Variants in DENND1A observed in about 807,000 individuals in gnomAD.
DENND1A encodes the protein DENN domain containing 1A.
Under a neutral mutation model 113.7 loss-of-function variants are expected in DENND1A, and 51 were observed. The observed-to-expected ratio is 0.45, with a 90% CI of 0.36 to 0.57. The LOEUF is 0.57. Among genes scored for constraint, DENND1A ranks in the 20% least tolerant of loss-of-function variants. DENND1A has a pLI of 0.00. For missense variants in DENND1A, 1,258 were observed against 1,395.9 expected (o/e 0.90, Z 1.57); for synonymous variants, 565 against 570.8 (o/e 0.99, Z 0.14).
Position 123,450,720 on chromosome 9 carries a change from T to C in DENND1A, c.1329A>G (p.Lys443=). 1.2e-6 allele frequency: 2 copies of C among 1,611,234 alleles called. No individual in the cohort carries two copies. Among genetic ancestry groups the C allele is most frequent in the South Asian group, 2.2e-5 (2 of 89,906 alleles). ...FAKDHAKMGI[K]EVKNRLKQKD... ...TTTGCTTCAAGCGGTTTTTCACCTCTTTTATTCCCATTTTTGCATGATCTT... is the reference window on the plus strand; with the variant it reads ...TTTGCTTCAAGCGGTTTTTCACCTCCTTTATTCCCATTTTTGCATGATCTT... Residue 443 remains lysine, a synonymous_variant, in exon 18 of 24, where the codon AAA becomes AAG. Coordinates refer to ENST00000394215, the MANE Select transcript of DENND1A (RefSeq NM_001352964.2).
chr9:123,461,759 T>C (rs1055004570), intron 13 of DENND1A, among the ~76,000 whole-genome samples: 4 of 152,182 alleles, frequency 2.6e-5, no homozygotes, highest in African/African-American at 9.7e-5. Flanking sequence ...CCGGACAAGA[T>C]GTCTGCGCCC....
rs906558806 is a variant in DENND1A at position 123,726,344 on chromosome 9, T to C, written c.302+31359A>G. 1.3e-5 allele frequency among the ~76,000 whole-genome samples: 2 copies of C among 152,238 alleles called. 1 individual carries two copies. Among genetic ancestry groups the C allele is most frequent in the South Asian group, 4.1e-4 (2 of 4,834 alleles). On this transcript the variant is annotated intron_variant, in intron 5 of 23. Transcript: ENST00000394215. ...AAAAGCCCCTCAGATAATTCAATAA[T>C]AACGTGTCTCACATTGAATCCAAGC...
At chr9:123,709,058 G>A (rs1354069324) in intron 5 of DENND1A, among the ~76,000 whole-genome samples, 1 of 152,234 alleles carries the variant, frequency 6.6e-6, no homozygotes, top group Non-Finnish European at 1.5e-5. Flanking sequence ...CAGCTGGTCA[G>A]CATATCAAGG....
intron 1 of DENND1A, among the ~76,000 whole-genome samples, chr9:123,902,376 G>A (rs1213411215): frequency 1.3e-5 from 2 of 152,192 alleles, no homozygotes; most frequent in Non-Finnish European, 2.9e-5. Context: ...AGCTTATTCT[G>A]TAAGGCAATA....
At chr9:123,778,451 G>A (rs1830768314) in intron 3 of DENND1A, among the ~76,000 whole-genome samples, 1 of 152,170 alleles carries the variant, frequency 6.6e-6, no homozygotes, top group Non-Finnish European at 1.5e-5. Context: ...CAACAGGTAA[G>A]TCACTCTTTC....
Position 123,633,107 on chromosome 9 carries a change from C to T in DENND1A, c.619-2631G>A, listed in dbSNP as rs542232130. On this transcript the variant is annotated intron_variant, in intron 9 of 23. Transcript: ENST00000394215. ...ATATTTTGTAGAGACGGGGTTTCGCCATGTTGGCCAGGCTGGTCTCAAACT... is the reference window on the plus strand; with the variant it reads ...ATATTTTGTAGAGACGGGGTTTCGCTATGTTGGCCAGGCTGGTCTCAAACT... Among the ~76,000 whole-genome samples, 12 of 152,182 alleles carry T rather than the reference C, an allele frequency of 7.9e-5. No homozygotes were observed. In the East Asian group the frequency reaches 1.9e-3, roughly 25 times the overall value.
At chr9:123,859,357 G>A (rs1844733974) in intron 2 of DENND1A, among the ~76,000 whole-genome samples, 1 of 151,364 alleles carries the variant, frequency 6.6e-6, no homozygotes, top group Non-Finnish European at 1.5e-5. Flanking sequence ...ACATTTGCAT[G>A]GGGTTTACAT....
intron 18 of DENND1A, among the ~76,000 whole-genome samples, chr9:123,450,470 C>G (rs2047638660): frequency 6.6e-6 from 1 of 152,240 alleles, no homozygotes. Context: ...TCTGAACTTG[C>G]TTGCCTTTGT....
At chr9:123,503,368 G>A (rs1014459904) in intron 13 of DENND1A, among the ~76,000 whole-genome samples, 1 of 152,152 alleles carries the variant, frequency 6.6e-6, no homozygotes, top group African/African-American at 2.4e-5. Flanking sequence ...CCCTGGCACT[G>A]GTATGCCCTC....
intron 1 of DENND1A, among the ~76,000 whole-genome samples, chr9:123,887,434 C>T (rs964805209): frequency 6.6e-6 from 1 of 151,856 alleles, no homozygotes; most frequent in Non-Finnish European, 1.5e-5. Context: ...GAAGTCAGAA[C>T]CTGAGTGGGG....
At chr9:123,704,527 G>T (rs2066065611) in intron 5 of DENND1A, among the ~76,000 whole-genome samples, 1 of 152,118 alleles carries the variant, frequency 6.6e-6, no homozygotes, top group Admixed American at 6.5e-5. Flanking sequence ...CATATTTATA[G>T]AGAACCCAAA....
chr9:123,811,857 A>G (rs925248786), intron 2 of DENND1A, among the ~76,000 whole-genome samples: 4 of 152,226 alleles, frequency 2.6e-5, no homozygotes, highest in Non-Finnish European at 5.9e-5. Flanking sequence ...AATGACATGG[A>G]AAGTTGCCCT....
chr9:123,646,206 A>G (rs2062316147), intron 9 of DENND1A, among the ~76,000 whole-genome samples: 1 of 152,188 alleles, frequency 6.6e-6, no homozygotes, highest in Admixed American at 6.5e-5. Flanking sequence ...ACTCATTTTA[A>G]TTTTACTTCA....
chr9:123,582,913 G>T (rs2058988039), intron 12 of DENND1A, among the ~76,000 whole-genome samples: 2 of 147,420 alleles, frequency 1.4e-5, no homozygotes, highest in Admixed American at 1.4e-4. Flanking sequence ...TGCCCAGGCT[G>T]GTCTCGAACT....
At chr9:123,865,757 G>C (rs1261660337) in intron 2 of DENND1A, among the ~76,000 whole-genome samples, 1 of 152,086 alleles carries the variant, frequency 6.6e-6, no homozygotes, top group African/African-American at 2.4e-5. Context: ...ACAGCATAGG[G>C]AACTAAAACA....
At chr9:123,466,541 C>T (rs552615307) in intron 13 of DENND1A, among the ~76,000 whole-genome samples, 3 of 152,334 alleles carry the variant, frequency 2.0e-5, no homozygotes, top group East Asian at 1.9e-4. Flanking sequence ...AAGTGATCCA[C>T]CTGCCTCGGC....
chr9:123,420,870 AG>A (rs1252583460), intron 19 of DENND1A, among the ~76,000 whole-genome samples: 2 of 17,566 alleles, frequency 1.1e-4, no homozygotes, highest in East Asian at 2.3e-3. Context: ...GGGAGGGAGG[AG>A]GGCCAGCAGT....
intron 5 of DENND1A, among the ~76,000 whole-genome samples, chr9:123,684,720 T>C (rs1055370934): frequency 7.9e-5 from 12 of 152,242 alleles, no homozygotes; most frequent in South Asian, 4.1e-4. Flanking sequence ...TTCTAGATGA[T>C]TCATTTTTCA....
chr9:123,448,838 G>A (rs568200772), intron 18 of DENND1A, among the ~76,000 whole-genome samples: 1 of 152,252 alleles, frequency 6.6e-6, no homozygotes, highest in African/African-American at 2.4e-5. Context: ...CAATTCCTTC[G>A]ACCCTTTCAA....
Sources: gnomAD v4.1 joint callset for allele counts (sites outside exome capture counted in the v4.1 genomes callset) on GRCh38, gnomAD v4.1.1 for gene constraint, MANE v1.5 for transcripts, NCBI Gene and HGNC (gene_info 2026-07-23, HGNC 2026-07-21) for gene names.